CDH12: variants seen among roughly 807,000 people sequenced by gnomAD.
CDH12 encodes cadherin 12.
CDH12 carries 41 observed loss-of-function variants against 74.1 expected under a neutral mutation model. That is an observed-to-expected ratio of 0.55 (90% CI 0.43 to 0.72). The LOEUF is 0.72. Among genes scored for constraint, CDH12 ranks in the 30% least tolerant of loss-of-function variants. The probability of loss-of-function intolerance (pLI) is 0.00; values close to 1 mark genes in which losing one functional copy is unlikely to be tolerated. For synonymous variants in CDH12, 399 were observed against 355.0 expected (o/e 1.12, Z -1.39); for missense variants, 945 against 977.2 (o/e 0.97, Z 0.44).
intron 10 of CDH12, among the ~76,000 whole-genome samples, chr5:21,791,421 G>C (rs1226868152): frequency 6.6e-6 from 1 of 151,886 alleles, no homozygotes; most frequent in Non-Finnish European, 1.5e-5. Flanking sequence ...TTCTGCTGTT[G>C]GGTTGCAACA....
chr5:22,705,344 T>A (rs1742948769), intron 1 of CDH12, among the ~76,000 whole-genome samples: 1 of 152,082 alleles, frequency 6.6e-6, no homozygotes. Context: ...CATACTGTTT[T>A]TTCATAACAA....
chr5:21,801,135 T>C (rs1747089497), intron 10 of CDH12, among the ~76,000 whole-genome samples: 1 of 152,198 alleles, frequency 6.6e-6, no homozygotes, highest in Non-Finnish European at 1.5e-5. Context: ...AAGTTACGTA[T>C]GCTGTCAAGC....
At chr5:22,782,610 T>C (rs148293747) in intron 1 of CDH12, among the ~76,000 whole-genome samples, 42 of 152,288 alleles carry the variant, frequency 2.8e-4, no homozygotes, top group African/African-American at 8.7e-4. Context: ...AACAGACTAA[T>C]AGAATAGGTT....
intron 1 of CDH12, among the ~76,000 whole-genome samples, chr5:22,842,602 G>A (rs935831143): frequency 7.9e-5 from 12 of 152,032 alleles, no homozygotes; most frequent in African/African-American, 2.9e-4. Flanking sequence ...ATAAAGACAA[G>A]GTATCATTAA....
At chr5:22,435,695 G>A (rs1744358573) in intron 2 of CDH12, among the ~76,000 whole-genome samples, 1 of 151,938 alleles carries the variant, frequency 6.6e-6, no homozygotes. Flanking sequence ...TACGGTTTAG[G>A]AGTTATGCAG....
intron 2 of CDH12, among the ~76,000 whole-genome samples, chr5:22,461,869 G>A (rs1745541498): frequency 6.6e-6 from 1 of 151,310 alleles, no homozygotes; most frequent in African/African-American, 2.4e-5. Flanking sequence ...CATATGAATA[G>A]TACAAGAAAG....
chr5:22,517,963 C>T (rs1312858616), intron 1 of CDH12, among the ~76,000 whole-genome samples: 6 of 152,198 alleles, frequency 3.9e-5, no homozygotes, highest in African/African-American at 1.4e-4. Flanking sequence ...TCATGTTTCT[C>T]AGCAACATTT....
intron 8 of CDH12, among the ~76,000 whole-genome samples, chr5:21,839,566 T>C (rs1749723606): frequency 6.6e-6 from 1 of 151,846 alleles, no homozygotes; most frequent in Admixed American, 6.6e-5. Context: ...CTAAAACATT[T>C]CCATCAGTAA....
intron 8 of CDH12, among the ~76,000 whole-genome samples, chr5:21,825,044 C>G (rs1748588827): frequency 6.6e-6 from 1 of 151,438 alleles, no homozygotes; most frequent in Non-Finnish European, 1.5e-5. Flanking sequence ...ATCCCAGTTA[C>G]TTGGGAGCTG....
At chr5:21,883,077 A>G in intron 6 of CDH12, 3 of 1,609,216 alleles carry the variant, frequency 1.9e-6, no homozygotes, top group South Asian at 2.2e-5. Flanking sequence ...TAAACCTGTG[A>G]CCACCCCTGA....
intron 3 of CDH12, among the ~76,000 whole-genome samples, chr5:22,236,961 C>CTT (rs148539740): frequency 3.9e-4 from 58 of 150,548 alleles, no homozygotes; most frequent in East Asian, 1.8e-3. Flanking sequence ...TTTTATGGCT[C>CTT]TTTTTTTTTA....
At chr5:22,795,986 ATGTCCTCTAGGTT>A (rs1276020179) in intron 1 of CDH12, among the ~76,000 whole-genome samples, 1 of 152,034 alleles carries the variant, frequency 6.6e-6, no homozygotes, top group East Asian at 1.9e-4. Flanking sequence ...ATTTAATATA[ATGTCCTCTAGGTT>A]TGTCCATGTT....
intron 1 of CDH12, among the ~76,000 whole-genome samples, chr5:22,784,335 C>A (rs1164171964): frequency 6.6e-6 from 1 of 152,096 alleles, no homozygotes; most frequent in African/African-American, 2.4e-5. Context: ...TCTGTCCTGA[C>A]TCCACAACTT....
At chr5:21,756,255 T>A (rs572911814) in intron 13 of CDH12, among the ~76,000 whole-genome samples, 1 of 152,084 alleles carries the variant, frequency 6.6e-6, no homozygotes, top group Non-Finnish European at 1.5e-5. Flanking sequence ...TAAAACCAAT[T>A]GACTATTTTA....
intron 2 of CDH12, among the ~76,000 whole-genome samples, chr5:22,442,151 T>C (rs1744653619): frequency 6.6e-6 from 1 of 152,196 alleles, no homozygotes; most frequent in African/African-American, 2.4e-5. Context: ...AGTCTGCGTA[T>C]AGCTTTGAGA....
chr5:21,973,157 A>T (rs1323040068), intron 6 of CDH12, among the ~76,000 whole-genome samples: 4 of 152,064 alleles, frequency 2.6e-5, no homozygotes, highest in Non-Finnish European at 5.9e-5. Context: ...CAGTGAGCTA[A>T]GACTGGGCCA....
intron 4 of CDH12, among the ~76,000 whole-genome samples, chr5:22,189,900 T>C (rs576600424): frequency 9.9e-5 from 15 of 152,238 alleles, no homozygotes; most frequent in South Asian, 2.1e-4. Flanking sequence ...GTGACTCCTG[T>C]GTGCTTTTCT....
At chr5:22,227,570 T>G (rs142957247) in intron 3 of CDH12, among the ~76,000 whole-genome samples, 1 of 152,190 alleles carries the variant, frequency 6.6e-6, no homozygotes, top group African/African-American at 2.4e-5. Flanking sequence ...TAGTATAATT[T>G]AGATCCCTTG....
chr5:22,297,647 A>G (rs1737690799), intron 3 of CDH12, among the ~76,000 whole-genome samples: 1 of 152,192 alleles, frequency 6.6e-6, no homozygotes, highest in Admixed American at 6.5e-5. Context: ...TTAATCTTCA[A>G]TTATGAAGTA....
Sources: gnomAD v4.1 joint callset for allele counts (sites outside exome capture counted in the v4.1 genomes callset) on GRCh38, gnomAD v4.1.1 for gene constraint, MANE v1.5 for transcripts, NCBI Gene and HGNC (gene_info 2026-07-23, HGNC 2026-07-21) for gene names.